Variants in CD5 observed in about 807,000 individuals in gnomAD.
CD5 encodes CD5 molecule.
Under a neutral mutation model 60.3 loss-of-function variants are expected in CD5, and 36 were observed. The observed-to-expected ratio is 0.60, with a 90% CI of 0.46 to 0.79. The LOEUF (loss-of-function observed/expected upper bound fraction) is 0.79. Among genes scored for constraint, CD5 ranks in the 30% least tolerant of loss-of-function variants. CD5 has a pLI of 0.00. For missense variants in CD5, 540 were observed against 630.6 expected (o/e 0.86, Z 1.54); for synonymous variants, 230 against 257.6 (o/e 0.89, Z 1.03).
Position 61,123,949 on chromosome 11 carries a change from C to T in CD5, c.1279+12C>T, listed in dbSNP as rs12364279. The T allele has an allele frequency of 0.11, 170,171 of 1,608,814 alleles. 9,596 individuals carry two copies. Among genetic ancestry groups the T allele is most frequent in the African/African-American group, 0.14 (10,818 of 74,892 alleles). On this transcript the variant is annotated intron_variant, in intron 8 of 10. Coordinates refer to ENST00000347785, the MANE Select transcript of CD5 (RefSeq NM_014207.4). ...AATGAACCAAAACAGTAAGTGTCCC[C>T]GGAGGCAGGAGCCTCCCTCAGGCCC...
intron 5 of CD5, among the ~76,000 whole-genome samples, chr11:61,120,411 TG>T (rs1861040761): frequency 6.6e-6 from 1 of 151,668 alleles, no homozygotes; most frequent in African/African-American, 2.4e-5. Context: ...AGGAGGTGGG[TG>T]TTATTATTAT....
intron 8 of CD5, 21 bp downstream of exon 8, chr11:61,123,958 G>T: frequency 6.3e-7 from 1 of 1,596,876 alleles, no homozygotes; most frequent in South Asian, 1.1e-5. Flanking sequence ...CCGGAGGCAG[G>T]AGCCTCCCTC....
upstream of CD5, among the ~76,000 whole-genome samples, chr11:61,102,223 A>T (rs1249054315): frequency 6.6e-6 from 1 of 152,110 alleles, no homozygotes. Flanking sequence ...ACCCCCGCTC[A>T]GGGTCCCCAC....
At chr11:61,095,962 C>T in the CD5 span, among the ~76,000 whole-genome samples, 3 of 152,156 alleles carry the variant, frequency 2.0e-5, no homozygotes, top group Non-Finnish European at 4.4e-5. Flanking sequence ...GGTATGAATA[C>T]CTCACAGTTA....
chr11:61,117,700 T>C (rs555158215), intron 2 of CD5, among the ~76,000 whole-genome samples: 5 of 152,256 alleles, frequency 3.3e-5, no homozygotes, highest in South Asian at 4.1e-4. Flanking sequence ...GGTTTCACCA[T>C]GTTGGCCAGG....
Position 61,122,947 on chromosome 11 carries a change from GGCAA to G in CD5, c.1144_1147del (p.Ile383SerfsTer22). 1 of 1,614,108 alleles carries G rather than the reference GGCAA, an allele frequency of 6.2e-7. No homozygotes were observed. Among genetic ancestry groups the G allele is most frequent in the Non-Finnish European group, 8.5e-7 (1 of 1,179,952 alleles). ...CCGCAGGCCTGGCCGCAGGCACGGTGGCAAGCATCATCCTGGCCCTGGTGCTCCT... is the reference window on the plus strand; with the variant it reads ...CCGCAGGCCTGGCCGCAGGCACGGTGGCATCATCCTGGCCCTGGTGCTCCT... On this transcript the variant is annotated frameshift_variant, in exon 7 of 11. Transcript: ENST00000347785. LOFTEE classifies it high-confidence loss of function.
intron 5 of CD5, among the ~76,000 whole-genome samples, chr11:61,120,542 C>G (rs1327249466): frequency 6.6e-6 from 1 of 152,192 alleles, no homozygotes; most frequent in Non-Finnish European, 1.5e-5. Flanking sequence ...GTTATCTGAG[C>G]CTTGGTGACT....
At position 61,123,773 on chromosome 11, in the gene CD5, G is replaced by T. The variant is rs934911030; in HGVS notation, c.1226-111G>T. ...GAGCCCAGCAGCCCTGCCCTCAGCT[G>T]CACCTGCCGCCACCATCTCCCTCCC... On this transcript the variant is annotated intron_variant, in intron 7 of 10. Coordinates refer to ENST00000347785, the MANE Select transcript of CD5 (RefSeq NM_014207.4). 4.8e-6 allele frequency: 4 copies of T among 826,406 alleles called. No homozygotes were observed. The African/African-American group carries it at 6.8e-5, about 14-fold the overall frequency. The allele number at this position is 826,406 out of a possible 1,614,324, so 51.2% of individuals were successfully genotyped here.
chr11:61,114,975 T>C, intron 1 of CD5, 81 bp from the exon 2 acceptor site: 6 of 1,381,906 alleles, frequency 4.3e-6, no homozygotes, highest in Middle Eastern at 3.6e-4. Flanking sequence ...GGGCCATTGC[T>C]CGGGCTGTGG....
At chr11:61,095,591 C>G in the CD5 span, among the ~76,000 whole-genome samples, 2 of 152,194 alleles carry the variant, frequency 1.3e-5, no homozygotes, top group South Asian at 4.1e-4. Context: ...TAGAGAAGCA[C>G]GTCCCAGCCA....
At chr11:61,119,033 G>A in intron 4 of CD5, 56 bp downstream of exon 4, 1 of 1,435,856 alleles carries the variant, frequency 7.0e-7, no homozygotes, top group Non-Finnish European at 9.7e-7. Flanking sequence ...AAAAACCCAG[G>A]ATGCCCAGTT....
intron 1 of CD5, among the ~76,000 whole-genome samples, chr11:61,114,430 C>T (rs1165800273): frequency 1.3e-5 from 2 of 151,284 alleles, no homozygotes; most frequent in African/African-American, 4.9e-5. Flanking sequence ...GAGACCCCAT[C>T]TCTACATACA....
At chr11:61,098,260 C>T (rs1860608354), upstream of CD5, among the ~76,000 whole-genome samples, 1 of 152,198 alleles carries the variant, frequency 6.6e-6, no homozygotes, top group South Asian at 2.1e-4. Context: ...TTCATCGCTA[C>T]CTTAGTTCAC....
chr11:61,106,614 C>T (rs1054556676), intron 1 of CD5, among the ~76,000 whole-genome samples: 8 of 152,148 alleles, frequency 5.3e-5, no homozygotes, highest in Non-Finnish European at 7.4e-5. Flanking sequence ...AGTGACCAGG[C>T]GGCGAATTCA....
At chr11:61,106,462 G>A (rs928111937) in intron 1 of CD5, among the ~76,000 whole-genome samples, 7 of 152,182 alleles carry the variant, frequency 4.6e-5, no homozygotes, top group Admixed American at 2.0e-4. Flanking sequence ...CCCAGGCTGG[G>A]CGAGGCCCTG....
chr11:61,114,999 G>A, intron 1 of CD5, 57 bp from the exon 2 acceptor site: 14 of 1,519,402 alleles, frequency 9.2e-6, no homozygotes, highest in Non-Finnish European at 1.2e-5. Flanking sequence ...GGTGAGCTGG[G>A]GAGAAGGGAG....
chr11:61,116,642 C>CG (rs1860960741), intron 2 of CD5, among the ~76,000 whole-genome samples: 1 of 146,498 alleles, frequency 6.8e-6, no homozygotes, highest in African/African-American at 2.6e-5. Context: ...ACACACCACA[C>CG]ACACCCCACA....
chr11:61,118,150 C>T lies in CD5; in HGVS notation c.95-25C>T, dbSNP rs1372190145. 1.2e-6 allele frequency: 2 copies of T among 1,605,856 alleles called. No individual in the cohort carries two copies. Among genetic ancestry groups the T allele is most frequent in the Non-Finnish European group, 1.7e-6 (2 of 1,174,798 alleles). The stretch of plus-strand genomic sequence containing the variant: ...GTGGGGAACCCCTCCCAGCCTGACC[C>T]CCACCACACCTTTCTGACCCCCAGA... On this transcript the variant is annotated intron_variant, in intron 2 of 10. Transcript: ENST00000347785. The surrounding 1 kb of genome is among the most constrained non-coding windows in gnomAD (Gnocchi z 4.7).
intron 6 of CD5, among the ~76,000 whole-genome samples, chr11:61,122,368 A>G (rs1469640291): frequency 1.4e-4 from 18 of 129,078 alleles, no homozygotes; most frequent in African/African-American, 4.4e-4. Flanking sequence ...GGGTGGGTGG[A>G]TGGATGATGG....
Sources: allele counts gnomAD v4.1 joint callset (sites outside exome capture counted in the v4.1 genomes callset), GRCh38; gene constraint gnomAD v4.1.1; non-coding constraint Gnocchi (gnomAD v3.1); transcripts MANE v1.5; gene names NCBI Gene and HGNC (gene_info 2026-07-23, HGNC 2026-07-21).